Variants in NBPF15 observed in about 807,000 individuals in gnomAD.
NBPF15 encodes the protein NBPF family member NBPF15.
Under a neutral mutation model 62.2 loss-of-function variants are expected in NBPF15, and 74 were observed. The ratio of observed to expected loss-of-function variants is 1.19; its 90% CI spans 0.99 to 1.44. The LOEUF (loss-of-function observed/expected upper bound fraction) is 1.44, where lower values mean the gene tolerates loss of function less well. NBPF15 is among the 40% of genes most tolerant of loss of function. The probability of loss-of-function intolerance (pLI) is 0.00; values close to 1 mark genes in which losing one functional copy is unlikely to be tolerated. For missense variants in NBPF15, 790 were observed against 550.0 expected (o/e 1.44, Z -4.36); for synonymous variants, 244 against 209.7 (o/e 1.16, Z -1.41).
chr1:144,426,525 C>A (rs1356325826), intron 17 of NBPF15, 75 bp from the exon 18 acceptor site: 5 of 767,972 alleles, frequency 6.5e-6, no homozygotes, highest in African/African-American at 5.1e-5. Flanking sequence ...GATTTCATGG[C>A]TAACATAAGG....
intron 6 of NBPF15, among the ~76,000 whole-genome samples, chr1:144,441,113 G>A (rs1471661882): frequency 2.6e-5 from 4 of 151,928 alleles, no homozygotes; most frequent in African/African-American, 9.7e-5. Flanking sequence ...ATGGGAGACA[G>A]GTTTACTTGG....
At chr1:144,438,432 C>A (rs1306574665) in intron 8 of NBPF15, among the ~76,000 whole-genome samples, 1 of 151,848 alleles carries the variant, frequency 6.6e-6, no homozygotes, top group African/African-American at 2.4e-5. Flanking sequence ...CGGGAAGGCC[C>A]CTAGGACTAT....
rs782477614 is a variant in NBPF15, at chr1:144,423,268, G to A, written c.1770-12C>T. On this transcript the variant is annotated splice_polypyrimidine_tract_variant and intron_variant, in intron 21 of 21. Transcript: ENST00000581897. ...GCACGCCGTAGAGCCTGGAAAAGGA[G>A]ACAAAACTAAAGAAGCAGCCAGGGA... The A allele has an allele frequency of 6.2e-7, 1 of 1,611,198 alleles. No individual in the cohort carries two copies. Among genetic ancestry groups the A allele is most frequent in the South Asian group, 1.1e-5 (1 of 90,938 alleles).
chr1:144,440,101 C>A, intron 7 of NBPF15, 40 bp downstream of exon 7: 6 of 1,579,538 alleles, frequency 3.8e-6, no homozygotes, highest in Non-Finnish European at 5.2e-6. Context: ...TAGGTTTAAT[C>A]AGGACTGAGG....
Position 144,423,057 on chromosome 1 carries a change from T to A in NBPF15, c.1969A>T (p.Ser657Cys). 3.7e-6 allele frequency: 6 copies of A among 1,611,626 alleles called. No homozygotes were observed. Among genetic ancestry groups the A allele is most frequent in the Non-Finnish European group, 5.1e-6 (6 of 1,179,624 alleles). ...DNRFFTLTVT[S>C]LHLVFQMGVI... ...CCCATCTGGAACACCAGGTGGAGAC[T>A]TGTCACCGTCAAAGTAAAAAACCTA... The change falls in exon 22 of 22, where the codon AGT (serine) becomes TGT (cysteine). Residue 657 changes from serine to cysteine, a missense_variant. Physicochemically the swap from Ser to Cys is moderately radical, Grantham distance 112 (BLOSUM62 -1). Coordinates refer to ENST00000581897, the MANE Select transcript of NBPF15 (RefSeq NM_001385408.1).
In NBPF15 at chr1:144,451,557, T is replaced by A. The variant is rs149338101; in HGVS notation, c.-431-687A>T. On this transcript the variant is annotated intron_variant, in intron 4 of 21. Transcript: ENST00000581897. The stretch of plus-strand genomic sequence containing the variant: ...AATACCTGGCTTTCCTAGGCAGAGG[T>A]CCCTGCAGTCTTCCGCAGTGTAGTG... Among the ~76,000 whole-genome samples, 483 of 151,978 alleles carry A rather than the reference T, an allele frequency of 3.2e-3. 6 individuals are homozygous for A. Among genetic ancestry groups the A allele is most frequent in the African/African-American group, 0.011 (465 of 41,460 alleles).
At position 144,461,624 on chromosome 1, in the gene NBPF15, C is replaced by A. The variant is rs1216378186; in HGVS notation, c.-1181G>T. 2.0e-5 allele frequency: 3 copies of A among 152,536 alleles called. No individual in the cohort carries two copies. The highest frequency in any genetic ancestry group is 4.4e-5 in the Non-Finnish European group (3 of 68,404). 9.4% of individuals were successfully genotyped at this position (152,536 alleles called of 1,614,324 possible). On this transcript the variant is annotated 5_prime_UTR_variant, in exon 1 of 22. Coordinates refer to ENST00000581897, the MANE Select transcript of NBPF15 (RefSeq NM_001385408.1). ...CAACCGCCGCCCAGCCCATAGCCTG[C>A]GCCAGCTGGCTCCTCAGGGTCCCGC... is the stretch of plus-strand genomic sequence containing the variant.
At chr1:144,439,794 C>T (rs1681475860) in intron 8 of NBPF15, 35 bp downstream of exon 8, 1 of 1,522,176 alleles carries the variant, frequency 6.6e-7, no homozygotes, top group African/African-American at 1.4e-5. Flanking sequence ...GGACATCATT[C>T]ATCACTTTCA....
rs782151180 is a variant in NBPF15 at position 144,423,272 on chromosome 1, A to T, written c.1770-16T>A. On this transcript the variant is annotated splice_polypyrimidine_tract_variant and intron_variant, in intron 21 of 21. Coordinates refer to ENST00000581897, the MANE Select transcript of NBPF15 (RefSeq NM_001385408.1). Reference sequence around the variant, plus strand: ...GCCGTAGAGCCTGGAAAAGGAGACAAAACTAAAGAAGCAGCCAGGGAAAAT... The same window carrying T: ...GCCGTAGAGCCTGGAAAAGGAGACATAACTAAAGAAGCAGCCAGGGAAAAT... The T allele has an allele frequency of 6.2e-7, 1 of 1,611,444 alleles. No homozygotes were observed. Among genetic ancestry groups the T allele is most frequent in the African/African-American group, 1.3e-5 (1 of 74,768 alleles).
At chr1:144,447,979 G>A (rs1553544661) in intron 6 of NBPF15, among the ~76,000 whole-genome samples, 1 of 152,056 alleles carries the variant, frequency 6.6e-6, no homozygotes, top group African/African-American at 2.4e-5. Flanking sequence ...ATCAGCCACT[G>A]TCGGCTGCTC....
intron 6 of NBPF15, among the ~76,000 whole-genome samples, chr1:144,448,241 C>G (rs61812373): frequency 1.3e-5 from 2 of 152,076 alleles, no homozygotes; most frequent in South Asian, 4.2e-4. Context: ...AAATGTTCCT[C>G]TGGCTCTGAT....
At chr1:144,423,340 G>C in intron 21 of NBPF15, 84 bp from the exon 22 acceptor site, 3 of 1,608,662 alleles carry the variant, frequency 1.9e-6, no homozygotes, top group Non-Finnish European at 2.5e-6. Context: ...GTAATATAAG[G>C]AAGTGGTTAG....
intron 16 of NBPF15, 151 bp downstream of exon 16, chr1:144,427,667 G>A (rs1670744947): frequency 1.6e-6 from 1 of 636,788 alleles, no homozygotes; most frequent in Admixed American, 2.5e-5. Flanking sequence ...GCTTCCAAGT[G>A]GAACTAGAGT....
At chr1:144,424,398 G>A in intron 20 of NBPF15, among the ~76,000 whole-genome samples, 1 of 151,866 alleles carries the variant, frequency 6.6e-6, no homozygotes, top group East Asian at 1.9e-4. Flanking sequence ...AAACCCTTGA[G>A]TCAAAATCAT....
rs1292341938 is a variant in NBPF15, at chr1:144,423,740, C to A, written c.1769+130G>T. On this transcript the variant is annotated intron_variant, in intron 21 of 21. Transcript: ENST00000581897. ...CCTAAACATCTACTGCAATGAAAAC[C>A]AACAGCAATGACAGTAGGAGTAATT... 7 of 690,360 alleles carry A rather than the reference C, an allele frequency of 1.0e-5. No individual in the cohort carries two copies. In the South Asian group the frequency reaches 1.2e-4, roughly 12 times the overall value. 42.8% of individuals were successfully genotyped at this position (690,360 alleles called of 1,614,324 possible). A position where few individuals can be genotyped will look rare whatever the true frequency, so the allele number is the denominator to read the frequency against.
chr1:144,442,337 G>A (rs1684075960), intron 6 of NBPF15, among the ~76,000 whole-genome samples: 2 of 126,280 alleles, frequency 1.6e-5, no homozygotes, highest in Non-Finnish European at 3.3e-5. Context: ...ATACACGTGT[G>A]CCATGTATAT....
chr1:144,447,714 C>A (rs376775470), intron 6 of NBPF15, among the ~76,000 whole-genome samples: 1 of 152,046 alleles, frequency 6.6e-6, no homozygotes, highest in Admixed American at 6.6e-5. Context: ...GAAAGCTCAG[C>A]GTAAAGCACT....
intron 12 of NBPF15, among the ~76,000 whole-genome samples, chr1:144,434,530 G>T (rs1259704349): frequency 7.2e-6 from 1 of 138,500 alleles, no homozygotes; most frequent in African/African-American, 2.8e-5. Context: ...AATCCACGAT[G>T]CTACAAAGAA....
chr1:144,445,354 TACACACAC>T (rs57409765), intron 6 of NBPF15, among the ~76,000 whole-genome samples: 21 of 104,456 alleles, frequency 2.0e-4, no homozygotes, highest in African/African-American at 3.7e-4. Context: ...TATATATATA[TACACACAC>T]ACACACACAC....
Sources: gnomAD v4.1 joint callset for allele counts (sites outside exome capture counted in the v4.1 genomes callset) on GRCh38, gnomAD v4.1.1 for gene constraint, MANE v1.5 for transcripts, NCBI Gene and HGNC (gene_info 2026-07-23, HGNC 2026-07-21) for gene names.